The following ATP1A4 variants were observed in gnomAD, a reference collection of about 807,000 sequenced individuals.
The protein encoded by ATP1A4 is ATPase Na+/K+ transporting subunit alpha 4, also known as sodium/potassium-transporting ATPase subunit alpha-4.
ATP1A4 carries 90 observed loss-of-function variants against 114.3 expected under a neutral mutation model. The observed-to-expected ratio is 0.79, with a 90% confidence interval of 0.66 to 0.94. The LOEUF is 0.94. ATP1A4 is among the 40% of genes least tolerant of loss of function. ATP1A4 has a pLI of 0.00. For missense variants in ATP1A4, 1,222 were observed against 1,313.6 expected (o/e 0.93, Z 1.08); for synonymous variants, 511 against 494.1 (o/e 1.03, Z -0.45).
At position 160,151,768 on chromosome 1, in the gene ATP1A4, T is replaced by C. The variant is rs74123262; in HGVS notation, c.-273T>C. 2,369 of 373,062 alleles carry C rather than the reference T, an allele frequency of 6.4e-3. 61 individuals carry two copies. Among genetic ancestry groups the C allele is most frequent in the African/African-American group, 0.044 (2,179 of 49,434 alleles). 23.1% of individuals were successfully genotyped at this position (373,062 alleles called of 1,614,324 possible). The stretch of plus-strand genomic sequence containing the variant: ...CCTTTTTATCCTTCCACCCTAGGCT[T>C]CTCTCCTCCCTCTTCCCTCACTCCT... On this transcript the variant is annotated 5_prime_UTR_variant, in exon 1 of 22. Transcript: ENST00000368081.
intron 20 of ATP1A4, chr1:160,182,705 C>G (rs1653748923): frequency 6.5e-6 from 1 of 152,690 alleles, no homozygotes; most frequent in South Asian, 2.1e-4. Flanking sequence ...GAGTTTTGCT[C>G]TTACTGCCCA....
In ATP1A4 at chr1:160,164,374, A is replaced by T; in HGVS notation, c.997A>T (p.Ile333Phe). ...YGWLEAIIFLIGIIVANVPEG... is the reference protein window; with the variant it reads ...YGWLEAIIFLFGIIVANVPEG... Reference sequence around the variant, plus strand: ...TTGGCTGGAGGCTATCATTTTTCTCATTGGCATCATTGTGGCCAATGTGCC... The same window carrying T: ...TTGGCTGGAGGCTATCATTTTTCTCTTTGGCATCATTGTGGCCAATGTGCC... Residue 333 changes from isoleucine (I) to phenylalanine (F), a missense_variant, in exon 7 of 22, where the codon ATT (isoleucine) becomes TTT (phenylalanine). Ile to Phe is a conservative substitution (Grantham distance 21). Transcript: ENST00000368081. The T allele has an allele frequency of 6.2e-7, 1 of 1,613,956 alleles. No individual in the cohort carries two copies. Among genetic ancestry groups the T allele is most frequent in the Non-Finnish European group, 8.5e-7 (1 of 1,179,994 alleles).
chr1:160,158,980 A>T, intron 4 of ATP1A4, 22 bp from the exon 5 acceptor site: 2 of 1,610,990 alleles, frequency 1.2e-6, no homozygotes, highest in Non-Finnish European at 1.7e-6. Flanking sequence ...TTTGGAAATG[A>T]TCCTGCACTA....
At position 160,153,151 on chromosome 1, in the gene ATP1A4, T is replaced by C. The variant is rs1652516135; in HGVS notation, c.148-14T>C. 16 of 1,613,292 alleles carry C rather than the reference T, an allele frequency of 9.9e-6. No individual in the cohort carries two copies. The highest frequency in any genetic ancestry group is 1.4e-5 in the Non-Finnish European group (16 of 1,179,282). ...GCCACCCCCTGTCCCTCAATGCCTC[T>C]ACTGTCCCCTCAGGATGATCACAAA... On this transcript the variant is annotated splice_polypyrimidine_tract_variant and intron_variant, in intron 1 of 21. Transcript: ENST00000368081.
chr1:160,185,918 CAAA>C (rs564826958), intron 20 of ATP1A4, among the ~76,000 whole-genome samples: 3 of 96,116 alleles, frequency 3.1e-5, no homozygotes, highest in Non-Finnish European at 2.2e-5. Context: ...GACTCCGTCT[CAAA>C]AAAAAAAAAA....
chr1:160,176,174 G>A lies in ATP1A4; in HGVS notation c.2394G>A (p.Met798Ile), dbSNP rs1653457153. 1.9e-6 allele frequency: 3 copies of A among 1,613,922 alleles called. No homozygotes were observed. The highest frequency in any genetic ancestry group is 2.2e-5 in the South Asian group (2 of 91,072). Residue 798 changes from methionine (M) to isoleucine (I), a missense_variant, in exon 16 of 22, where the codon ATG becomes ATA. Transcript: ENST00000368081. ...TCCCCGAGATCACGCCCTTCCTGAT[G>A]TTCATCATCCTCGGTATACCCCTGC... ...SNIPEITPFLMFIILGIPLPL... is the reference protein window; with the variant it reads ...SNIPEITPFLIFIILGIPLPL...
Position 160,171,773 on chromosome 1 carries a change from G to T in ATP1A4, c.1854+16G>T. ...AGGAATTAAGGTAAATACTTGCCCA[G>T]ACCAGGAGCCCCTCACCTGTCACAA... On this transcript the variant is annotated intron_variant, in intron 12 of 21. Transcript: ENST00000368081. The T allele has an allele frequency of 6.2e-7, 1 of 1,610,434 alleles. No homozygotes were observed. Among genetic ancestry groups the T allele is most frequent in the South Asian group, 1.1e-5 (1 of 90,604 alleles).
Position 160,171,368 on chromosome 1 carries a change from A to G in ATP1A4, c.1609A>G (p.Met537Val). 1 of 1,614,160 alleles carries G rather than the reference A, an allele frequency of 6.2e-7. No individual in the cohort carries two copies. The highest frequency in any genetic ancestry group is 8.5e-7 in the Non-Finnish European group (1 of 1,180,018). The change falls in exon 11 of 22, where the codon ATG becomes GTG. Residue 537 changes from methionine to valine, a missense_variant. Transcript: ENST00000368081. ...TFLLNGQEYS[M>V]NDEMKEAFQN... is the part of the protein sequence containing the mutation. ...TCTTCTGAATGGGCAGGAGTACTCA[A>G]TGAACGATGAAATGAAGGAAGCCTT...
In ATP1A4 at chr1:160,175,469, A is replaced by G. The variant is rs187722166; in HGVS notation, c.2312-623A>G. Among the ~76,000 whole-genome samples, 5 of 152,244 alleles carry G rather than the reference A, an allele frequency of 3.3e-5. No individual in the cohort carries two copies. The East Asian group carries it at 7.7e-4, about 24-fold the overall frequency. On this transcript the variant is annotated intron_variant, in intron 15 of 21. Transcript: ENST00000368081. ...AGGCACTATGCTTGATGCTGGGGATACAACAGTAGGGAGAACAAAGACACA... is the reference window on the plus strand; with the variant it reads ...AGGCACTATGCTTGATGCTGGGGATGCAACAGTAGGGAGAACAAAGACACA...
chr1:160,166,382 T>G, intron 7 of ATP1A4, 146 bp from the exon 8 acceptor site: 1 of 1,068,022 alleles, frequency 9.4e-7, no homozygotes, highest in Non-Finnish European at 1.3e-6. Context: ...CAGCCAGAAA[T>G]GAAATGTGTA....
At chr1:160,176,741 A>C in intron 17 of ATP1A4, 139 bp downstream of exon 17, 1 of 1,161,068 alleles carries the variant, frequency 8.6e-7, no homozygotes, top group Non-Finnish European at 1.2e-6. Flanking sequence ...ACAAAGAACC[A>C]CTCATCTCTG....
rs752669899 is a variant in ATP1A4, at chr1:160,152,019, G to T, written c.-22G>T. 2.2e-5 allele frequency: 36 copies of T among 1,604,800 alleles called. No individual in the cohort carries two copies. The East Asian group carries it at 4.0e-4, about 18-fold the overall frequency. On this transcript the variant is annotated 5_prime_UTR_variant, in exon 1 of 22. Coordinates refer to ENST00000368081, the MANE Select transcript of ATP1A4 (RefSeq NM_144699.4). ...GCTTTCTTCCCACAGTTGAGCTCGG[G>T]CAGCTCTTTCTGGGGATAGCTATGG...
At chr1:160,180,966 G>A (rs7526939) in intron 18 of ATP1A4, among the ~76,000 whole-genome samples, 84,245 of 150,954 alleles carry the variant, frequency 0.56, 23,792 homozygotes, top group East Asian at 0.79. Context: ...TGCCCACCTC[G>A]GCCTCCCAAA....
At position 160,159,054 on chromosome 1, in the gene ATP1A4, TGG is replaced by T; in HGVS notation, c.579_580del (p.Leu195GlyfsTer15). On this transcript the variant is annotated frameshift_variant, in exon 5 of 22. Coordinates refer to ENST00000368081, the MANE Select transcript of ATP1A4 (RefSeq NM_144699.4). LOFTEE classifies it high-confidence loss of function. ...AAGATGCAAATTAATGTACAAGAGG[TGG>T]TGTTGGGAGACCTGGTGGAAATCAA... 6.2e-7 allele frequency: 1 copy of T among 1,613,918 alleles called. No individual in the cohort carries two copies.
At position 160,186,753 on chromosome 1, in the gene ATP1A4, G is replaced by T. The variant is rs1237228536; in HGVS notation, c.*54G>T. ...ACAGGGGTGTTGTGAGAGCTGGGAT[G>T]GGGCCAGAGATTATAAGTTTGACAC... On this transcript the variant is annotated 3_prime_UTR_variant, in exon 22 of 22. Coordinates refer to ENST00000368081, the MANE Select transcript of ATP1A4 (RefSeq NM_144699.4). 1.3e-6 allele frequency: 2 copies of T among 1,562,154 alleles called. No individual in the cohort carries two copies. The highest frequency in any genetic ancestry group is 1.8e-6 in the Non-Finnish European group (2 of 1,141,680).
chr1:160,174,486 GAAA>G (rs1328804010), intron 14 of ATP1A4, 90 bp from the exon 15 acceptor site: 66 of 1,531,722 alleles, frequency 4.3e-5, no homozygotes, highest in Non-Finnish European at 5.5e-5. Flanking sequence ...ATTACATCAG[GAAA>G]CAAGGGATGC....
In ATP1A4 at chr1:160,166,692, C is replaced by T. The variant is rs749260762; in HGVS notation, c.1212C>T (p.Thr404=). The change falls in exon 8 of 22, where the codon ACC becomes ACT. Residue 404 remains threonine, a synonymous_variant. Coordinates refer to ENST00000368081, the MANE Select transcript of ATP1A4 (RefSeq NM_144699.4). The stretch of plus-strand genomic sequence containing the variant: ...TCGCCCACATGTGGTTTGATATGAC[C>T]GTGTATGAGGCCGACACCACTGAAG... ...MTVAHMWFDM[T]VYEADTTEEQ... 21 of 1,614,008 alleles carry T rather than the reference C, an allele frequency of 1.3e-5. No individual in the cohort carries two copies. The highest frequency in any genetic ancestry group is 5.3e-5 in the African/African-American group (4 of 74,890).
At position 160,176,235 on chromosome 1, in the gene ATP1A4, G is replaced by A. The variant is rs545611873; in HGVS notation, c.2455G>A (p.Gly819Ser). The A allele has an allele frequency of 9.9e-6, 16 of 1,613,888 alleles. No individual in the cohort carries two copies. Among genetic ancestry groups the A allele is most frequent in the East Asian group, 2.2e-5 (1 of 44,892 alleles). The change falls in exon 16 of 22, where the codon GGC (glycine) becomes AGC (serine). Residue 819 changes from glycine (G) to serine (S), a missense_variant. Gly to Ser is a moderately conservative substitution (Grantham distance 56). Coordinates refer to ENST00000368081, the MANE Select transcript of ATP1A4 (RefSeq NM_144699.4). ...CATAACCATCCTCTGCATTGATCTC[G>A]GCACTGACATGGTAAGGGCCAAGCT... ...GTITILCIDL[G>S]TDMVPAISLA...
chr1:160,157,869 T>G (rs1351860866), intron 4 of ATP1A4, among the ~76,000 whole-genome samples: 2 of 152,202 alleles, frequency 1.3e-5, no homozygotes, highest in African/African-American at 4.8e-5. Flanking sequence ...AGTTAAATGT[T>G]TTTTAAAGGT....
Sources: gnomAD v4.1 joint callset for allele counts (sites outside exome capture counted in the v4.1 genomes callset) on GRCh38, gnomAD v4.1.1 for gene constraint, MANE v1.5 for transcripts, NCBI Gene and HGNC (gene_info 2026-07-23, HGNC 2026-07-21) for gene names.